Variants in ITGAX observed in about 807,000 individuals in gnomAD.
ITGAX encodes integrin subunit alpha X, also known as integrin alpha-X.
ITGAX carries 99 observed loss-of-function variants against 140.2 expected under a neutral mutation model. The observed-to-expected ratio is 0.71, with a 90% confidence interval of 0.60 to 0.83. ITGAX has a LOEUF of 0.83. ITGAX is among the 40% of genes least tolerant of loss of function. The probability of loss-of-function intolerance (pLI) is 0.00; values close to 1 mark genes in which losing one functional copy is unlikely to be tolerated. For synonymous variants in ITGAX, 631 were observed against 600.4 expected (o/e 1.05, Z -0.75); for missense variants, 1,444 against 1,482.0 (o/e 0.97, Z 0.42).
Position 31,382,067 on chromosome 16 carries a change from C to T in ITGAX, c.*160C>T, listed in dbSNP as rs2081074016. 3 of 1,437,950 alleles carry T rather than the reference C, an allele frequency of 2.1e-6. No individual in the cohort carries two copies. Among genetic ancestry groups the T allele is most frequent in the Non-Finnish European group, 2.7e-6 (3 of 1,101,394 alleles). The allele number at this position is 1,437,950 out of a possible 1,614,324, so 89.1% of individuals were successfully genotyped here. ...GAAAACGTCTTGCTTGGGAAGGGGC[C>T]TTTGTCTTGTCAAGGTTCCAACTGG... On this transcript the variant is annotated 3_prime_UTR_variant, in exon 30 of 30. Coordinates refer to ENST00000268296, the MANE Select transcript of ITGAX (RefSeq NM_000887.5).
intron 14 of ITGAX, among the ~76,000 whole-genome samples, chr16:31,364,729 T>C (rs2080874122): frequency 1.3e-5 from 2 of 151,718 alleles, no homozygotes; most frequent in Non-Finnish European, 2.9e-5. Flanking sequence ...ACATTAAACA[T>C]AGGCTGGGCA....
intron 24 of ITGAX, 42 bp from the exon 25 acceptor site, chr16:31,379,715 T>G (rs1597084541): frequency 1.3e-6 from 2 of 1,599,180 alleles, no homozygotes; most frequent in Non-Finnish European, 1.7e-6. Context: ...GGGAGGGATT[T>G]GGGCTTTGGC....
At chr16:31,369,772 T>C (rs1395422646) in intron 14 of ITGAX, among the ~76,000 whole-genome samples, 1 of 152,208 alleles carries the variant, frequency 6.6e-6, no homozygotes, top group Non-Finnish European at 1.5e-5. Flanking sequence ...TATTCCTTTT[T>C]TTCTTTTCTT....
Position 31,373,355 on chromosome 16 carries a change from G to A in ITGAX, c.2473G>A (p.Ala825Thr), listed in dbSNP as rs780288749. 25 of 1,613,214 alleles carry A rather than the reference G, an allele frequency of 1.5e-5. 1 individual carries two copies. The highest frequency in any genetic ancestry group is 8.9e-5 in the East Asian group (4 of 44,876). ...AACCACCATCACCTTCTCCCACCCC[G>A]CAGGACTGTCCTACCGCTACGTGGC... is the stretch of plus-strand genomic sequence containing the variant. ...YGTTITFSHP[A>T]GLSYRYVAEG... Residue 825 changes from alanine to threonine, a missense_variant, in exon 20 of 30, where the codon GCA becomes ACA. By Grantham distance (58) the Ala-to-Thr change is moderately conservative. Coordinates refer to ENST00000268296, the MANE Select transcript of ITGAX (RefSeq NM_000887.5).
intron 7 of ITGAX, 56 bp downstream of exon 7, chr16:31,360,121 C>T (rs2080807197): frequency 1.3e-6 from 2 of 1,595,802 alleles, no homozygotes; most frequent in African/African-American, 1.3e-5. Context: ...TTCCCTTGGG[C>T]CTCATCTGTC....
At position 31,362,648 on chromosome 16, in the gene ITGAX, G is replaced by T; in HGVS notation, c.1254G>T (p.Gln418His). 1 of 1,613,332 alleles carries T rather than the reference G, an allele frequency of 6.2e-7. No homozygotes were observed. The highest frequency in any genetic ancestry group is 8.5e-7 in the Non-Finnish European group (1 of 1,179,750). Residue 418 changes from glutamine to histidine, a missense_variant, in exon 12 of 30, where the codon CAG (glutamine) becomes CAT (histidine). Gln to His is a conservative substitution (Grantham distance 24). Coordinates refer to ENST00000268296, the MANE Select transcript of ITGAX (RefSeq NM_000887.5). The part of the protein sequence containing the change: ...STELALWKGV[Q>H]SLVLGAPRYQ... ...AGCTGGCCCTCTGGAAAGGGGTGCAGAGCCTGGTCCTGGGGGCCCCCCGCT... is the reference window on the plus strand; with the variant it reads ...AGCTGGCCCTCTGGAAAGGGGTGCATAGCCTGGTCCTGGGGGCCCCCCGCT...
chr16:31,374,801 C>G (rs962826747), intron 20 of ITGAX, among the ~76,000 whole-genome samples: 11 of 152,202 alleles, frequency 7.2e-5, no homozygotes, highest in African/African-American at 2.7e-4. Flanking sequence ...TCCTTATTCA[C>G]TCTGCTATGG....
rs781261401 is a variant in ITGAX at position 31,362,917 on chromosome 16, C to T, written c.1360-18C>T. On this transcript the variant is annotated intron_variant, in intron 12 of 29. Coordinates refer to ENST00000268296, the MANE Select transcript of ITGAX (RefSeq NM_000887.5). Reference sequence around the variant, plus strand: ...CTCTGGCAGGGACAGGCAGCATGACCCAGGCTCTGCCCTTCAGATCGGCTC... The same window carrying T: ...CTCTGGCAGGGACAGGCAGCATGACTCAGGCTCTGCCCTTCAGATCGGCTC... 12 of 1,611,058 alleles carry T rather than the reference C, an allele frequency of 7.4e-6. No individual in the cohort carries two copies. The East Asian group carries it at 2.2e-4, about 30-fold the overall frequency.
intron 14 of ITGAX, among the ~76,000 whole-genome samples, chr16:31,366,391 GTC>G (rs1241856495): frequency 1.3e-5 from 2 of 152,084 alleles, no homozygotes; most frequent in African/African-American, 2.4e-5. Context: ...TAGCTCCCCT[GTC>G]TCTCTCTCCC....
intron 8 of ITGAX, 77 bp downstream of exon 8, chr16:31,360,540 CTCTTTGAGACAGGG>C: frequency 7.4e-7 from 1 of 1,345,642 alleles, no homozygotes; most frequent in South Asian, 1.4e-5. Flanking sequence ...ATGTTCTTTT[CTCTTTGAGACAGGG>C]TCTTGCTCTA....
At chr16:31,361,369 G>T (rs145691546) in intron 9 of ITGAX, 156 bp downstream of exon 9, 28 of 872,534 alleles carry the variant, frequency 3.2e-5, no homozygotes, top group Middle Eastern at 2.3e-4. Context: ...CCCCACTGAC[G>T]TCCCCCAGCA....
At chr16:31,375,017 C>CTTCT (rs2081006869) in intron 20 of ITGAX, among the ~76,000 whole-genome samples, 1 of 146,984 alleles carries the variant, frequency 6.8e-6, no homozygotes, top group Non-Finnish European at 1.5e-5. Flanking sequence ...CTTTCTTTTC[C>CTTCT]TTCTTTCTTT....
In ITGAX at chr16:31,371,339, G is replaced by C. The variant is rs2080956803; in HGVS notation, c.1847G>C (p.Arg616Thr). Residue 616 changes from arginine to threonine, a missense_variant, in exon 16 of 30, where the codon AGA becomes ACA. Physicochemically the swap from Arg to Thr is moderately conservative, Grantham distance 71. Coordinates refer to ENST00000268296, the MANE Select transcript of ITGAX (RefSeq NM_000887.5). The stretch of plus-strand genomic sequence containing the variant: ...GCTCGGTGCTCTGCCCGCAGGACCA[G>C]ACCTGTGCTCTGGGTGGGGGTGAGC... ...ARGQVLLLRTRPVLWVGVSMQ... is the reference protein window; with the variant it reads ...ARGQVLLLRTTPVLWVGVSMQ... The C allele has an allele frequency of 1.2e-6, 2 of 1,614,020 alleles. No homozygotes were observed. The highest frequency in any genetic ancestry group is 2.7e-5 in the African/African-American group (2 of 74,934).
In ITGAX at chr16:31,377,087, G is replaced by A. The variant is rs559859694; in HGVS notation, c.2705+8G>A. The A allele has an allele frequency of 2.1e-5, 34 of 1,613,938 alleles. No homozygotes were observed. Among genetic ancestry groups the A allele is most frequent in the Non-Finnish European group, 2.5e-5 (30 of 1,179,968 alleles). On this transcript the variant is annotated splice_region_variant and intron_variant, in intron 22 of 29. Transcript: ENST00000268296. ...GACAGCCAATGTGAGCAGGTGAGCCGGGCCAGGCCAGGGGCAGTGCCCCTC... is the reference window on the plus strand; with the variant it reads ...GACAGCCAATGTGAGCAGGTGAGCCAGGCCAGGCCAGGGGCAGTGCCCCTC...
intron 23 of ITGAX, among the ~76,000 whole-genome samples, chr16:31,378,836 G>C (rs1173680337): frequency 7.1e-6 from 1 of 141,812 alleles, no homozygotes; most frequent in African/African-American, 2.7e-5. Context: ...TTTTTTTTGA[G>C]ACCAAGTCTC....
Position 31,360,471 on chromosome 16 carries a change from G to A in ITGAX, c.861+8G>A, listed in dbSNP as rs763519568. On this transcript the variant is annotated splice_region_variant and intron_variant, in intron 8 of 29. Coordinates refer to ENST00000268296, the MANE Select transcript of ITGAX (RefSeq NM_000887.5). ...ATCCGCTATGCAATTGGGGTAGGGC[G>A]TGGGATGGCTTCCCACTTCTCCCAC... 9 of 1,595,124 alleles carry A rather than the reference G, an allele frequency of 5.6e-6. No individual in the cohort carries two copies. Among genetic ancestry groups the A allele is most frequent in the South Asian group, 2.2e-5 (2 of 89,266 alleles).
At chr16:31,372,325 C>A (rs997643331) in intron 17 of ITGAX, 53 bp from the exon 18 acceptor site, 196 of 1,566,392 alleles carry the variant, frequency 1.3e-4, no homozygotes, top group Non-Finnish European at 1.6e-4. Flanking sequence ...TGAGGCCGAG[C>A]GCAGCTCTTA....
intron 14 of ITGAX, among the ~76,000 whole-genome samples, chr16:31,363,751 C>A (rs2142498221): frequency 6.6e-6 from 1 of 152,334 alleles, no homozygotes; most frequent in East Asian, 1.9e-4. Flanking sequence ...AGGCCCCTGC[C>A]AGTTTTACAA....
At chr16:31,381,770 C>T in intron 29 of ITGAX, 33 bp from the exon 30 acceptor site, 1 of 869,814 alleles carries the variant, frequency 1.1e-6, no homozygotes, top group Non-Finnish European at 2.0e-6. Flanking sequence ...ACTGAATGGG[C>T]TTCCTGAGTT....
Sources: allele counts gnomAD v4.1 joint callset (sites outside exome capture counted in the v4.1 genomes callset), GRCh38; gene constraint gnomAD v4.1.1; transcripts MANE v1.5; gene names NCBI Gene and HGNC (gene_info 2026-07-23, HGNC 2026-07-21).